TBK1: variants seen among roughly 807,000 people sequenced by gnomAD.
TBK1 encodes TANK binding kinase 1, also known as serine/threonine-protein kinase TBK1.
Under a neutral mutation model 99.9 loss-of-function variants are expected in TBK1, and 37 were observed. The ratio of observed to expected loss-of-function variants is 0.37; its 90% confidence interval spans 0.28 to 0.49. The LOEUF is 0.49. TBK1 is among the 20% of genes least tolerant of loss of function. The pLI, the probability that TBK1 is intolerant of heterozygous loss-of-function variation, is 0.98. For synonymous variants in TBK1, 258 were observed against 279.8 expected, an observed-to-expected ratio of 0.92 and a Z score of 0.78; for missense variants, 644 against 872.5, an observed-to-expected ratio of 0.74 and a Z score of 3.30.
intron 6 of TBK1, among the ~76,000 whole-genome samples, chr12:64,478,149 G>A (rs1435714689): frequency 2.0e-5 from 3 of 151,880 alleles, no homozygotes; most frequent in Non-Finnish European, 4.4e-5. Context: ...CCTATCTTTT[G>A]TTTTGTTTGT....
chr12:64,501,038 C>T (rs1592379449), intron 20 of TBK1, among the ~76,000 whole-genome samples: 1 of 152,116 alleles, frequency 6.6e-6, no homozygotes, highest in Non-Finnish European at 1.5e-5. Context: ...GGATTACAGG[C>T]GTGAGCCACT....
chr12:64,454,039 A>G lies in TBK1; in HGVS notation c.-31-1801A>G, dbSNP rs190083386. On this transcript the variant is annotated intron_variant, in intron 1 of 20. Transcript: ENST00000331710. ...TATGGGAATATTATGCAGTGACAAC[A>G]TTTGTCTTCATTAGTGTTTCTCTGC... Among the ~76,000 whole-genome samples, 421 of 152,250 alleles carry G rather than the reference A, an allele frequency of 2.8e-3. 1 individual carries two copies. Among genetic ancestry groups the G allele is most frequent in the Admixed American group, 2.7e-3 (42 of 15,296 alleles).
At chr12:64,462,705 CAAAGGATAA>C (rs1012504358) in intron 3 of TBK1, among the ~76,000 whole-genome samples, 1 of 151,132 alleles carries the variant, frequency 6.6e-6, no homozygotes. Context: ...AGAAAAGAAA[CAAAGGATAA>C]AAAGTTGGAG....
chr12:64,495,222 T>G, intron 13 of TBK1: 2 of 259,664 alleles, frequency 7.7e-6, no homozygotes, highest in Non-Finnish European at 1.5e-5. Context: ...GTATTTTACA[T>G]GTGGTTTTAG....
chr12:64,495,853 A>G (rs2040920135), intron 15 of TBK1, 78 bp downstream of exon 15: 1 of 1,199,232 alleles, frequency 8.3e-7, no homozygotes, highest in Non-Finnish European at 1.1e-6. Context: ...TTAATTTGGT[A>G]TATCTGTAAG....
chr12:64,467,157 C>G (rs1402307515), intron 5 of TBK1, 75 bp downstream of exon 5: 1 of 1,150,686 alleles, frequency 8.7e-7, no homozygotes, highest in East Asian at 2.7e-5. Flanking sequence ...AATTGGTCAG[C>G]CAATTCACTA....
At chr12:64,494,685 G>C (rs2040908060) in intron 13 of TBK1, among the ~76,000 whole-genome samples, 1 of 152,132 alleles carries the variant, frequency 6.6e-6, no homozygotes, top group Non-Finnish European at 1.5e-5. Flanking sequence ...AAACACTCTT[G>C]AAAAAATGCT....
intron 6 of TBK1, among the ~76,000 whole-genome samples, chr12:64,477,001 GTC>G (rs1345002682): frequency 1.3e-5 from 2 of 152,174 alleles, no homozygotes; most frequent in South Asian, 4.2e-4. Context: ...TATTTTAGGA[GTC>G]TCTATTCTGT....
chr12:64,459,665 C>T (rs1411089081), intron 2 of TBK1, among the ~76,000 whole-genome samples: 1 of 152,130 alleles, frequency 6.6e-6, no homozygotes, highest in Admixed American at 6.6e-5. Flanking sequence ...CTGCTTTCCC[C>T]ACTCCCCTCC....
chr12:64,485,085 G>A (rs1464419154), intron 9 of TBK1, among the ~76,000 whole-genome samples: 1 of 152,024 alleles, frequency 6.6e-6, no homozygotes, highest in Non-Finnish European at 1.5e-5. Context: ...AAGCTTTAGA[G>A]TCTAAGAAAA....
At chr12:64,498,409 G>A (rs1277284535) in intron 20 of TBK1, among the ~76,000 whole-genome samples, 2 of 152,196 alleles carry the variant, frequency 1.3e-5, no homozygotes, top group Non-Finnish European at 2.9e-5. Flanking sequence ...CCTCCTTGCA[G>A]GTGAAAGCCA....
At chr12:64,496,046 G>T in intron 15 of TBK1, 1 of 385,620 alleles carries the variant, frequency 2.6e-6, no homozygotes, top group Admixed American at 4.5e-5. Context: ...TTGGCCAGTG[G>T]GGACTCATCT....
At chr12:64,467,214 A>G (rs546388231) in intron 5 of TBK1, 132 bp downstream of exon 5, 23 of 644,890 alleles carry the variant, frequency 3.6e-5, no homozygotes, top group Non-Finnish European at 5.2e-5. Flanking sequence ...ATTCTAATGA[A>G]TATGTGCAAC....
chr12:64,465,698 G>T (rs1306478187), intron 4 of TBK1, among the ~76,000 whole-genome samples: 3 of 152,096 alleles, frequency 2.0e-5, no homozygotes, highest in African/African-American at 7.3e-5. Flanking sequence ...AATATTATAT[G>T]ATTCCATTTA....
At chr12:64,489,346 C>G (rs2040847018) in intron 12 of TBK1, among the ~76,000 whole-genome samples, 1 of 152,192 alleles carries the variant, frequency 6.6e-6, no homozygotes. Context: ...TAACTGCCCT[C>G]TTTCTAGAAT....
chr12:64,485,442 C>A lies in TBK1; in HGVS notation c.1190-13C>A. 3.1e-6 allele frequency: 4 copies of A among 1,280,486 alleles called. No homozygotes were observed. The highest frequency in any genetic ancestry group is 4.4e-6 in the Non-Finnish European group (4 of 911,682). 79.3% of individuals were successfully genotyped at this position (1,280,486 alleles called of 1,614,324 possible). A position where few individuals can be genotyped will look rare whatever the true frequency, so the allele number is the denominator to read the frequency against. ...AAGTTTTCTTTCTCATTTTATTTTACTTCATATTTCAGTTTCCCTCCCTAA... is the reference window on the plus strand; with the variant it reads ...AAGTTTTCTTTCTCATTTTATTTTAATTCATATTTCAGTTTCCCTCCCTAA... On this transcript the variant is annotated splice_polypyrimidine_tract_variant and intron_variant, in intron 9 of 20. Transcript: ENST00000331710.
intron 1 of TBK1, 26 bp from the exon 2 acceptor site, chr12:64,455,814 A>T: frequency 7.5e-7 from 1 of 1,334,848 alleles, no homozygotes; most frequent in Non-Finnish European, 1.0e-6. Context: ...CTTAAAACAT[A>T]GTTGCAAATT....
At chr12:64,499,735 G>A (rs1592378611) in intron 20 of TBK1, among the ~76,000 whole-genome samples, 1 of 99,730 alleles carries the variant, frequency 1.0e-5, no homozygotes, top group Non-Finnish European at 1.8e-5. Flanking sequence ...GTCTCGCTTT[G>A]TCGCCAGGCG....
rs191724811 is a variant in TBK1 at position 64,493,747 on chromosome 12, G to A, written c.1522-1736G>A. Among the ~76,000 whole-genome samples the A allele has an allele frequency of 1.8e-4, 28 of 152,284 alleles. No homozygotes were observed. In the Middle Eastern group the frequency reaches 0.01, roughly 55 times the overall value. ...GATGTGTTGAGTCAGCAACTCACTG[G>A]CAGAACCCAGCAAAGGCCCTTTTTA... On this transcript the variant is annotated intron_variant, in intron 13 of 20. Coordinates refer to ENST00000331710, the MANE Select transcript of TBK1 (RefSeq NM_013254.4).
Sources: gnomAD v4.1 joint callset for allele counts (sites outside exome capture counted in the v4.1 genomes callset) on GRCh38, gnomAD v4.1.1 for gene constraint, MANE v1.5 for transcripts, NCBI Gene and HGNC (gene_info 2026-07-23, HGNC 2026-07-21) for gene names.